The following MEP1A variants were observed in gnomAD, a reference collection of about 807,000 sequenced individuals.
The protein encoded by MEP1A is N-benzoyl-L-tyrosyl-P-amino-benzoic acid hydrolase subunit alpha.
In MEP1A, 68 loss-of-function variants were observed where a neutral mutation model predicts 84.5. The ratio of observed to expected loss-of-function variants is 0.80; its 90% CI spans 0.66 to 0.98. MEP1A has a LOEUF of 0.98. MEP1A is among the 50% of genes least tolerant of loss of function. The pLI is 0.00. For missense variants in MEP1A, 887 were observed against 919.9 expected, an observed-to-expected ratio of 0.96 and a Z score of 0.46; for synonymous variants, 337 against 336.8, an observed-to-expected ratio of 1.00 and a Z score of -0.01.
At chr6:46,843,171 GAT>G (rs1562121185), downstream of MEP1A, among the ~76,000 whole-genome samples, 1 of 152,184 alleles carries the variant, frequency 6.6e-6, no homozygotes, top group Non-Finnish European at 1.5e-5. Context: ...TCTGCATTGT[GAT>G]ATGTTTAGTG....
intron 5 of MEP1A, among the ~76,000 whole-genome samples, chr6:46,809,160 A>G (rs767903477): frequency 3.3e-5 from 5 of 152,054 alleles, no homozygotes; most frequent in Non-Finnish European, 7.4e-5. Flanking sequence ...CCATATACAC[A>G]TGTGTATATT....
chr6:46,834,435 A>T (rs1464059255), intron 11 of MEP1A, 143 bp from the exon 12 acceptor site: 39 of 201,492 alleles, frequency 1.9e-4, no homozygotes, highest in Non-Finnish European at 2.2e-4. Flanking sequence ...TTTTATTTTT[A>T]TATTTATTTA....
At chr6:46,831,513 C>T (rs1768074567) in intron 10 of MEP1A, among the ~76,000 whole-genome samples, 1 of 152,164 alleles carries the variant, frequency 6.6e-6, no homozygotes, top group South Asian at 2.1e-4. Context: ...TATTGCCTGA[C>T]TGATTTAGGG....
intron 6 of MEP1A, among the ~76,000 whole-genome samples, chr6:46,814,510 T>C (rs373544247): frequency 7.9e-5 from 12 of 152,290 alleles, no homozygotes; most frequent in African/African-American, 1.9e-4. Flanking sequence ...GCCTCCTTGA[T>C]TGGCTTAATA....
chr6:46,821,559 G>C (rs531172791), intron 7 of MEP1A, among the ~76,000 whole-genome samples: 6 of 152,178 alleles, frequency 3.9e-5, no homozygotes. Context: ...ATTAGACTTT[G>C]TCTATATTTG....
intron 11 of MEP1A, among the ~76,000 whole-genome samples, chr6:46,834,083 TCTTCTGTCTC>T (rs1768143736): frequency 1.3e-5 from 2 of 151,900 alleles, no homozygotes; most frequent in Non-Finnish European, 2.9e-5. Context: ...TTCAAACAAT[TCTTCTGTCTC>T]AGACTCCCGA....
intron 7 of MEP1A, among the ~76,000 whole-genome samples, chr6:46,821,724 G>T (rs981597308): frequency 6.6e-6 from 1 of 152,072 alleles, no homozygotes; most frequent in Non-Finnish European, 1.5e-5. Flanking sequence ...TCCCTTTATC[G>T]GAGTGAGGGA....
intron 8 of MEP1A, among the ~76,000 whole-genome samples, chr6:46,825,742 AC>A (rs923015965): frequency 7.2e-5 from 11 of 152,166 alleles, no homozygotes; most frequent in African/African-American, 2.7e-4. Context: ...TATAACAGCA[AC>A]CTTACAGGAT....
chr6:46,818,872 T>C (rs1334985639), intron 6 of MEP1A, among the ~76,000 whole-genome samples: 1 of 152,168 alleles, frequency 6.6e-6, no homozygotes, highest in African/African-American at 2.4e-5. Flanking sequence ...ACACCTGTAA[T>C]CCTAGCATTT....
intron 6 of MEP1A, among the ~76,000 whole-genome samples, chr6:46,813,142 G>T (rs766887469): frequency 4.9e-4 from 74 of 151,704 alleles, no homozygotes; most frequent in Non-Finnish European, 6.8e-4. Flanking sequence ...TAAATTGAGG[G>T]TCTCCAGAAT....
intron 7 of MEP1A, among the ~76,000 whole-genome samples, chr6:46,822,636 T>C (rs979975896): frequency 6.6e-6 from 1 of 152,012 alleles, no homozygotes; most frequent in Non-Finnish European, 1.5e-5. Context: ...CTCCACCTCC[T>C]GGGTTCAAGC....
chr6:46,833,315 G>A lies in MEP1A; in HGVS notation c.1386G>A (p.Ser462=), dbSNP rs1462497921. The change falls in exon 11 of 14, where the codon TCG becomes TCA. Residue 462 remains serine (S), a synonymous_variant. Coordinates refer to ENST00000230588, the MANE Select transcript of MEP1A (RefSeq NM_005588.3). ...TTCAGAGCCCTCGATTCTACAATTC[G>A]GAGGGATATGGTTTTGGGGTAACTT... ...DKLQSPRFYN[S]EGYGFGVTLY... The A allele has an allele frequency of 2.2e-5, 35 of 1,614,010 alleles. No homozygotes were observed. In the East Asian group the frequency reaches 2.2e-4, roughly 10 times the overall value.
Position 46,809,475 on chromosome 6 carries a change from C to A in MEP1A, c.318C>A (p.Ser106=). The A allele has an allele frequency of 6.2e-7, 1 of 1,610,146 alleles. No homozygotes were observed. The highest frequency in any genetic ancestry group is 8.5e-7 in the Non-Finnish European group (1 of 1,177,664). The stretch of plus-strand genomic sequence containing the variant: ...CCTTTGAGATGTTCCGTCTCAAGTC[C>A]TGTGTGGATTTCAAGCCCTATGAAG... ...LYAFEMFRLK[S]CVDFKPYEGE... is the part of the protein sequence containing the mutation. The change falls in exon 6 of 14, where the codon TCC becomes TCA. Residue 106 remains serine (S), a synonymous_variant. Coordinates refer to ENST00000230588, the MANE Select transcript of MEP1A (RefSeq NM_005588.3).
At chr6:46,819,407 C>G in intron 6 of MEP1A, 122 bp from the exon 7 acceptor site, 1 of 743,540 alleles carries the variant, frequency 1.3e-6, no homozygotes, top group South Asian at 1.9e-5. Flanking sequence ...TATGAGAATG[C>G]TGTTGGTAAT....
rs1767946749 is a variant in MEP1A at position 46,826,405 on chromosome 6, G to A, written c.830G>A (p.Cys277Tyr). 6.2e-7 allele frequency: 1 copy of A among 1,610,416 alleles called. No individual in the cohort carries two copies. Among genetic ancestry groups the A allele is most frequent in the Non-Finnish European group, 8.5e-7 (1 of 1,178,282 alleles). ...TGTACTTTTGAGAAGGCAAACATCT[G>A]TGGAATGATTCAGGGCACCAGAGAT... ...DHCTFEKANI[C>Y]GMIQGTRDDT... Residue 277 changes from cysteine to tyrosine, a missense_variant, in exon 9 of 14, where the codon TGT becomes TAT. Coordinates refer to ENST00000230588, the MANE Select transcript of MEP1A (RefSeq NM_005588.3).
At chr6:46,795,290 CT>C (rs897291783) in intron 3 of MEP1A, among the ~76,000 whole-genome samples, 2 of 152,080 alleles carry the variant, frequency 1.3e-5, no homozygotes, top group Non-Finnish European at 2.9e-5. Flanking sequence ...ATCTACTTTT[CT>C]TTTTTCTCTT....
In MEP1A at chr6:46,835,547, C is replaced by T; in HGVS notation, c.2082C>T (p.Cys694=). 1 of 1,613,224 alleles carries T rather than the reference C, an allele frequency of 6.2e-7. No individual in the cohort carries two copies. The highest frequency in any genetic ancestry group is 8.5e-7 in the Non-Finnish European group (1 of 1,179,656). ...TGAACGTGAAGGGGATGGCGAGCTG[C>T]AGGTAGGCTCTGTGGCTGGGGAGAC... The part of the protein sequence containing the change: ...ICVNVKGMAS[C]RCISGHAFFY... Residue 694 remains cysteine, a splice_region_variant and synonymous_variant, in exon 13 of 14, where the codon TGC becomes TGT. Transcript: ENST00000230588.
intron 8 of MEP1A, 59 bp from the exon 9 acceptor site, chr6:46,826,295 T>C: frequency 3.4e-6 from 5 of 1,478,058 alleles, no homozygotes; most frequent in Non-Finnish European, 4.6e-6. Flanking sequence ...CTTAAGACAT[T>C]AGCTATTTGG....
chr6:46,843,577 T>C (rs1301676363), downstream of MEP1A, among the ~76,000 whole-genome samples: 2 of 152,240 alleles, frequency 1.3e-5, no homozygotes, highest in African/African-American at 4.8e-5. Context: ...TTTGATAGGA[T>C]CTTTCAAATA....
Sources: gnomAD v4.1 joint callset for allele counts (sites outside exome capture counted in the v4.1 genomes callset) on GRCh38, gnomAD v4.1.1 for gene constraint, MANE v1.5 for transcripts, NCBI Gene and HGNC (gene_info 2026-07-23, HGNC 2026-07-21) for gene names.